STPG2: variants seen among roughly 807,000 people sequenced by gnomAD.
STPG2 encodes the protein sperm tail PG-rich repeat containing 2, also known as sperm-tail PG-rich repeat-containing protein 2.
A neutral mutation model predicts 54.2 loss-of-function variants in STPG2; 56 were observed. The ratio of observed to expected loss-of-function variants is 1.03; its 90% confidence interval spans 0.83 to 1.29. The LOEUF is 1.29. Ranked by LOEUF, STPG2 falls within the 50% of genes most tolerant of loss-of-function variation. STPG2 has a pLI of 0.00. For missense variants in STPG2, 596 were observed against 544.9 expected, an observed-to-expected ratio of 1.09 and a Z score of -0.93; for synonymous variants, 200 against 181.8, an observed-to-expected ratio of 1.10 and a Z score of -0.81.
intron 10 of STPG2, among the ~76,000 whole-genome samples, chr4:97,668,875 A>G (rs965529455): frequency 8.5e-5 from 13 of 152,108 alleles, no homozygotes; most frequent in African/African-American, 3.1e-4. Flanking sequence ...GAAATTATAT[A>G]AAAATTTGTT....
chr4:97,818,560 A>T (rs527287580), intron 9 of STPG2, among the ~76,000 whole-genome samples: 6 of 151,710 alleles, frequency 4.0e-5, no homozygotes, highest in Non-Finnish European at 7.4e-5. Flanking sequence ...AAAAAAGAAG[A>T]CTGCTGTATT....
At chr4:98,088,582 T>C (rs1738595555) in intron 5 of STPG2, among the ~76,000 whole-genome samples, 1 of 151,686 alleles carries the variant, frequency 6.6e-6, no homozygotes. Context: ...AACCTAGATC[T>C]TATTTTGGCA....
chr4:97,905,727 C>T (rs996486557), intron 8 of STPG2, among the ~76,000 whole-genome samples: 1 of 152,034 alleles, frequency 6.6e-6, no homozygotes, highest in Non-Finnish European at 1.5e-5. Flanking sequence ...CGTGCAGAGA[C>T]ACACATAGGC....
At chr4:97,582,434 AT>A (rs1732885758) in intron 10 of STPG2, among the ~76,000 whole-genome samples, 1 of 152,096 alleles carries the variant, frequency 6.6e-6, no homozygotes, top group South Asian at 2.1e-4. Flanking sequence ...CAATTCAGTA[AT>A]AAGTAGAAGA....
chr4:97,686,776 T>C (rs188435019), intron 10 of STPG2, among the ~76,000 whole-genome samples: 296 of 152,238 alleles, frequency 1.9e-3, no homozygotes, highest in Non-Finnish European at 3.0e-3. Context: ...TGATAAAACA[T>C]ATCACGGTAG....
At chr4:97,903,094 G>T (rs1359950206) in intron 8 of STPG2, among the ~76,000 whole-genome samples, 1 of 152,104 alleles carries the variant, frequency 6.6e-6, no homozygotes, top group African/African-American at 2.4e-5. Flanking sequence ...TGGTCAAAGG[G>T]TTCAAACTCG....
At chr4:97,977,468 C>T (rs1338495689) in intron 6 of STPG2, among the ~76,000 whole-genome samples, 1 of 152,142 alleles carries the variant, frequency 6.6e-6, no homozygotes, top group East Asian at 1.9e-4. Flanking sequence ...TGAATAAACT[C>T]TCTTAAACTG....
chr4:97,812,382 C>T (rs1280994294), intron 9 of STPG2, among the ~76,000 whole-genome samples: 4 of 152,086 alleles, frequency 2.6e-5, no homozygotes, highest in Admixed American at 1.3e-4. Flanking sequence ...TTCCTTCAAA[C>T]TCACAGAAAT....
At chr4:97,706,189 A>G (rs1341815921) in intron 10 of STPG2, among the ~76,000 whole-genome samples, 2 of 152,182 alleles carry the variant, frequency 1.3e-5, no homozygotes, top group Non-Finnish European at 2.9e-5. Context: ...AGCCCTTCTG[A>G]AAAAAGCAGA....
chr4:97,582,159 T>G (rs1444351791), intron 10 of STPG2, among the ~76,000 whole-genome samples: 1 of 152,034 alleles, frequency 6.6e-6, no homozygotes. Context: ...TTCCCTCTCA[T>G]TATGCAAGAA....
At chr4:98,033,365 A>G (rs1418051484) in intron 5 of STPG2, among the ~76,000 whole-genome samples, 1 of 152,190 alleles carries the variant, frequency 6.6e-6, no homozygotes, top group Non-Finnish European at 1.5e-5. Flanking sequence ...AGAAATGGAT[A>G]AATTTCCGGA....
At position 97,523,056 on chromosome 4, in the gene STPG2, T is replaced by G. The variant is rs1225324718; in HGVS notation, c.462+189643A>C. On this transcript the variant is annotated intron_variant, in intron 4 of 4. Transcript: ENST00000522676. ...AAAGGAGCCAGCTAGTCAAACAATT[T>G]AAAATGTCATGATTTTTAAAGTTAC... Among the ~76,000 whole-genome samples, 15 of 152,030 alleles carry G rather than the reference T, an allele frequency of 9.9e-5. No homozygotes were observed. The East Asian group carries it at 2.9e-3, about 29-fold the overall frequency.
At chr4:98,106,794 T>C (rs1455914287) in intron 4 of STPG2, among the ~76,000 whole-genome samples, 5 of 152,190 alleles carry the variant, frequency 3.3e-5, no homozygotes, top group African/African-American at 7.2e-5. Context: ...ACATGGCTCA[T>C]AATAAGCACA....
intron 10 of STPG2, among the ~76,000 whole-genome samples, chr4:97,630,310 TA>T (rs1407899199): frequency 2.6e-5 from 4 of 151,920 alleles, no homozygotes; most frequent in Admixed American, 2.0e-4. Flanking sequence ...ATTTTTAATA[TA>T]CTTTTTGTTT....
intron 4 of STPG2, among the ~76,000 whole-genome samples, chr4:97,551,682 A>G (rs955730912): frequency 2.6e-5 from 4 of 152,230 alleles, no homozygotes; most frequent in South Asian, 2.1e-4. Context: ...TAACTATATG[A>G]CTGTAGTTAT....
chr4:97,665,343 C>A (rs1722491974), intron 10 of STPG2, among the ~76,000 whole-genome samples: 2 of 152,136 alleles, frequency 1.3e-5, no homozygotes, highest in South Asian at 2.1e-4. Context: ...TGAAGAGAAG[C>A]TTTATTGAGC....
Position 97,559,038 on chromosome 4 carries a change from G to T in STPG2, c.*20C>A. The T allele has an allele frequency of 6.3e-7, 1 of 1,575,644 alleles. No homozygotes were observed. Among genetic ancestry groups the T allele is most frequent in the Admixed American group, 1.9e-5 (1 of 51,346 alleles). On this transcript the variant is annotated 3_prime_UTR_variant, in exon 11 of 11. Transcript: ENST00000295268. ...TGACTTCCATGAAGTTGTTTTTTAAGTTTTTGCCATAAATTTATGTCACAT... is the reference window on the plus strand; with the variant it reads ...TGACTTCCATGAAGTTGTTTTTTAATTTTTTGCCATAAATTTATGTCACAT...
At position 97,546,914 on chromosome 4, in the gene STPG2, T is replaced by C. The variant is rs528073783; in HGVS notation, c.462+165785A>G. On this transcript the variant is annotated intron_variant, in intron 4 of 4. Coordinates refer to the STPG2 transcript ENST00000522676. ...GAGAAGTGAAACAACAGAGGAAGCATATGAGTATATGATGCAATAAATATA... is the reference window on the plus strand; with the variant it reads ...GAGAAGTGAAACAACAGAGGAAGCACATGAGTATATGATGCAATAAATATA... Among the ~76,000 whole-genome samples the C allele has an allele frequency of 2.6e-5, 4 of 152,276 alleles. No homozygotes were observed. The South Asian group carries it at 8.3e-4, about 32-fold the overall frequency.
intron 9 of STPG2, among the ~76,000 whole-genome samples, chr4:97,713,648 G>A (rs1022075240): frequency 2.6e-5 from 4 of 152,198 alleles, no homozygotes; most frequent in Non-Finnish European, 5.9e-5. Context: ...AGAATCTAAT[G>A]TCAGGCTAAT....
Sources: gnomAD v4.1 joint callset for allele counts (sites outside exome capture counted in the v4.1 genomes callset) on GRCh38, gnomAD v4.1.1 for gene constraint, MANE v1.5 for transcripts, NCBI Gene and HGNC (gene_info 2026-07-23, HGNC 2026-07-21) for gene names.